ABCC9: variants seen among roughly 807,000 people sequenced by gnomAD.
ABCC9 encodes the protein ATP-binding cassette sub-family C member 9.
A neutral mutation model predicts 188.3 loss-of-function variants in ABCC9; 95 were observed. That is an observed-to-expected ratio of 0.50 (90% CI 0.43 to 0.60). The LOEUF (loss-of-function observed/expected upper bound fraction) is 0.60, where lower values mean the gene tolerates loss of function less well. ABCC9 is among the 20% of genes least tolerant of loss of function. The pLI is 0.00. For synonymous variants in ABCC9, 659 were observed against 652.7 expected (o/e 1.01, Z -0.15); for missense variants, 1,102 against 1,876.3 (o/e 0.59, Z 7.62).
chr12:21,816,918 G>C (rs1282937558), intron 33 of ABCC9, among the ~76,000 whole-genome samples: 1 of 152,006 alleles, frequency 6.6e-6, no homozygotes, highest in African/African-American at 2.4e-5. Flanking sequence ...TTATAGTTTA[G>C]GTCAGCAATT....
chr12:21,925,527 T>G, intron 5 of ABCC9: 1 of 702,592 alleles, frequency 1.4e-6, no homozygotes, highest in Non-Finnish European at 2.6e-6. Flanking sequence ...AAAATGTCCT[T>G]GGACTCCAAG....
intron 26 of ABCC9, among the ~76,000 whole-genome samples, chr12:21,845,298 A>C (rs140066717): frequency 5.3e-5 from 8 of 152,228 alleles, no homozygotes; most frequent in Non-Finnish European, 1.2e-4. Flanking sequence ...AAATACAAAA[A>C]GGTCCTCTGT....
chr12:21,925,915 A>G (rs373422566), intron 5 of ABCC9, 27 bp downstream of exon 5: 3 of 1,600,730 alleles, frequency 1.9e-6, no homozygotes, highest in Non-Finnish European at 2.6e-6. Flanking sequence ...CTCTTTAAGG[A>G]GAAACAACAA....
rs980339670 is a variant in ABCC9, at chr12:21,875,229, A to G, written c.2092+425T>C. Among the ~76,000 whole-genome samples the G allele has an allele frequency of 5.9e-5, 9 of 152,340 alleles. No homozygotes were observed. In the East Asian group the frequency reaches 1.5e-3, roughly 26 times the overall value. ...TATGTGCAATTTTTATGGATCAATT[A>G]CACTTCAATAAAACTTTTTAAAAAT... On this transcript the variant is annotated intron_variant, in intron 17 of 39. Coordinates refer to ENST00000261200, the MANE Select transcript of ABCC9 (RefSeq NM_020297.4).
At chr12:21,921,997 T>C (rs750164832) in intron 5 of ABCC9, among the ~76,000 whole-genome samples, 12 of 151,996 alleles carry the variant, frequency 7.9e-5, no homozygotes, top group Non-Finnish European at 8.8e-5. Flanking sequence ...AATCAGGTAA[T>C]GTGATTCCTC....
intron 16 of ABCC9, among the ~76,000 whole-genome samples, chr12:21,879,672 A>G (rs755162236): frequency 9.9e-5 from 15 of 152,000 alleles, no homozygotes; most frequent in Non-Finnish European, 2.1e-4. Context: ...ACCATTGTCC[A>G]TTTTCTCCTG....
At chr12:21,915,215 TTATA>T (rs557990317) in intron 7 of ABCC9, among the ~76,000 whole-genome samples, 4 of 134,656 alleles carry the variant, frequency 3.0e-5, no homozygotes, top group African/African-American at 1.2e-4. Context: ...CTTTGTGTCT[TTATA>T]TATATATGTG....
At position 21,845,639 on chromosome 12, in the gene ABCC9, C is replaced by T. The variant is rs769003781; in HGVS notation, c.3060G>A (p.Ser1020=). The T allele has an allele frequency of 3.8e-5, 61 of 1,613,560 alleles. No individual in the cohort carries two copies. Among genetic ancestry groups the T allele is most frequent in the Non-Finnish European group, 4.5e-5 (53 of 1,179,754 alleles). ...AIDYWLATWT[S]EYSINNTGKA... The stretch of plus-strand genomic sequence containing the variant: ...TTCCAGTATTGTTTATACTGTACTC[C>T]GATGTCCATGTGGCCAGCCAATAGT... The change falls in exon 26 of 40, where the codon TCG becomes TCA. Residue 1020 remains serine (S), a synonymous_variant. Transcript: ENST00000261200.
chr12:21,865,650 T>A (rs779245345), intron 18 of ABCC9, among the ~76,000 whole-genome samples: 5 of 152,128 alleles, frequency 3.3e-5, no homozygotes, highest in Non-Finnish European at 5.9e-5. Flanking sequence ...CAAGTGGAAA[T>A]GCCCATTAGA....
chr12:21,825,736 T>C (rs920714330), intron 31 of ABCC9, among the ~76,000 whole-genome samples: 2 of 152,096 alleles, frequency 1.3e-5, no homozygotes, highest in African/African-American at 4.8e-5. Flanking sequence ...GGCATGCGTA[T>C]ACCTATGTTA....
intron 29 of ABCC9, among the ~76,000 whole-genome samples, chr12:21,838,416 A>G (rs1041873879): frequency 2.6e-5 from 4 of 152,220 alleles, no homozygotes; most frequent in Non-Finnish European, 5.9e-5. Flanking sequence ...ATCTCTGTGT[A>G]ACAGCCAAAG....
At chr12:21,914,242 C>G (rs971902991) in intron 7 of ABCC9, among the ~76,000 whole-genome samples, 1 of 152,056 alleles carries the variant, frequency 6.6e-6, no homozygotes, top group South Asian at 2.1e-4. Context: ...GTTGAGAATC[C>G]TAATATTTTA....
intron 25 of ABCC9, among the ~76,000 whole-genome samples, chr12:21,847,560 TCA>T (rs1944741355): frequency 6.6e-6 from 1 of 152,300 alleles, no homozygotes; most frequent in African/African-American, 2.4e-5. Context: ...GTGGTTTATC[TCA>T]CAACATTCTT....
At chr12:21,862,356 T>C (rs1240595262) in intron 20 of ABCC9, among the ~76,000 whole-genome samples, 2 of 152,140 alleles carry the variant, frequency 1.3e-5, no homozygotes, top group African/African-American at 4.8e-5. Context: ...AAAGGTTTTG[T>C]CTTTCATATG....
At position 21,865,131 on chromosome 12, in the gene ABCC9, A is replaced by C. The variant is rs553998418; in HGVS notation, c.2199-654T>G. ...TTCTTTTATTGTTCTAATTTTTTAT[A>C]ATTTAGGGTCAGTTGAATTCAATAA... On this transcript the variant is annotated intron_variant, in intron 18 of 39. Coordinates refer to ENST00000261200, the MANE Select transcript of ABCC9 (RefSeq NM_020297.4). Among the ~76,000 whole-genome samples the C allele has an allele frequency of 1.9e-4, 29 of 152,242 alleles. No individual in the cohort carries two copies. The South Asian group carries it at 3.5e-3, about 19-fold the overall frequency.
At chr12:21,838,477 A>G (rs1384388883) in intron 29 of ABCC9, among the ~76,000 whole-genome samples, 1 of 152,184 alleles carries the variant, frequency 6.6e-6, no homozygotes, top group African/African-American at 2.4e-5. Flanking sequence ...TACCTAGGAC[A>G]TTGGTGGGAT....
At chr12:21,916,821 T>C in intron 6 of ABCC9, 116 bp downstream of exon 6, 1 of 904,622 alleles carries the variant, frequency 1.1e-6, no homozygotes, top group African/African-American at 1.7e-5. Context: ...TATTTATATA[T>C]ATAAATCAAA....
intron 39 of ABCC9, among the ~76,000 whole-genome samples, chr12:21,802,134 T>A (rs1362351566): frequency 6.6e-6 from 1 of 152,074 alleles, no homozygotes; most frequent in African/African-American, 2.4e-5. Flanking sequence ...CTGTTAGTAG[T>A]GCAATCTTGA....
chr12:21,869,992 CA>C (rs1367889324), intron 18 of ABCC9, among the ~76,000 whole-genome samples: 1 of 152,116 alleles, frequency 6.6e-6, no homozygotes, highest in Non-Finnish European at 1.5e-5. Flanking sequence ...ATTCCTGGAT[CA>C]AACTAGATGT....
Sources: gnomAD v4.1 joint callset for allele counts (sites outside exome capture counted in the v4.1 genomes callset) on GRCh38, gnomAD v4.1.1 for gene constraint, MANE v1.5 for transcripts, NCBI Gene and HGNC (gene_info 2026-07-23, HGNC 2026-07-21) for gene names.